TIAM1: variants seen among roughly 807,000 people sequenced by gnomAD.
TIAM1 encodes the protein rho guanine nucleotide exchange factor TIAM1.
Under a neutral mutation model 163.5 loss-of-function variants are expected in TIAM1, and 65 were observed. That is an observed-to-expected ratio of 0.40 (90% CI 0.33 to 0.49). The LOEUF (loss-of-function observed/expected upper bound fraction) is 0.49, where lower values mean the gene tolerates loss of function less well. Ranked by LOEUF, TIAM1 falls within the 20% of genes least tolerant of loss-of-function variation. TIAM1 has a pLI of 0.77. For missense variants in TIAM1, 1,789 were observed against 2,044.7 expected, an observed-to-expected ratio of 0.87 and a Z score of 2.41; for synonymous variants, 833 against 810.1, an observed-to-expected ratio of 1.03 and a Z score of -0.48.
At position 31,120,754 on chromosome 21, in the gene TIAM1, C is replaced by G. The variant is rs754307192; in HGVS notation, c.4390G>C (p.Ala1464Pro). The change falls in exon 28 of 28, where the codon GCA (alanine) becomes CCA (proline). Residue 1464 changes from alanine (A) to proline (P), a missense_variant. By Grantham distance (27) the Ala-to-Pro change is conservative. Transcript: ENST00000541036. This position sits in a 1 kb window ranked among gnomAD's most constrained non-coding sequence, Gnocchi z 4.2. ...TGGGACTCTTTCTCCGGGCTGCTTG[C>G]GGAGACGGCATCAGAATCAATGGTA... is the stretch of plus-strand genomic sequence containing the variant. ...RFTIDSDAVS[A>P]SSPEKESQQP... The G allele has an allele frequency of 3.8e-5, 62 of 1,614,060 alleles. No homozygotes were observed. Among genetic ancestry groups the G allele is most frequent in the Non-Finnish European group, 5.2e-5 (61 of 1,180,034 alleles).
At chr21:31,233,973 C>T (rs1432696072) in intron 6 of TIAM1, among the ~76,000 whole-genome samples, 2 of 152,194 alleles carry the variant, frequency 1.3e-5, no homozygotes, top group Non-Finnish European at 2.9e-5. Flanking sequence ...AATCGTCAAC[C>T]GGAGTCTCTC....
intron 23 of TIAM1, among the ~76,000 whole-genome samples, chr21:31,131,728 G>A (rs1215776476): frequency 6.6e-6 from 1 of 152,216 alleles, no homozygotes; most frequent in African/African-American, 2.4e-5. Flanking sequence ...TGGTCCAAAT[G>A]TTTGTGTTTC....
intron 2 of TIAM1, among the ~76,000 whole-genome samples, chr21:31,417,748 T>C (rs1160081197): frequency 1.3e-5 from 2 of 152,026 alleles, no homozygotes; most frequent in Non-Finnish European, 2.9e-5. Flanking sequence ...GTCAGGGACA[T>C]GGAGGTTTTC....
intron 2 of TIAM1, among the ~76,000 whole-genome samples, chr21:31,455,717 G>A (rs959039256): frequency 1.3e-5 from 2 of 152,302 alleles, no homozygotes; most frequent in Non-Finnish European, 2.9e-5. Context: ...ATTCTGTGAC[G>A]CTGCTGCCAA....
chr21:31,477,671 T>G (rs2045978803), intron 1 of TIAM1, among the ~76,000 whole-genome samples: 1 of 152,126 alleles, frequency 6.6e-6, no homozygotes, highest in Admixed American at 6.6e-5. Flanking sequence ...GACGGGGGTT[T>G]CACCATGTTG....
intron 1 of TIAM1, among the ~76,000 whole-genome samples, chr21:31,474,027 G>C (rs1602368549): frequency 6.6e-6 from 1 of 152,172 alleles, no homozygotes; most frequent in African/African-American, 2.4e-5. Flanking sequence ...CAGAGGCAAA[G>C]GGGGAGCAGA....
intron 15 of TIAM1, among the ~76,000 whole-genome samples, chr21:31,171,637 G>C (rs1601404559): frequency 6.6e-6 from 1 of 152,202 alleles, no homozygotes; most frequent in South Asian, 2.1e-4. Context: ...GTTTGTAGCA[G>C]ATCATTTGCA....
chr21:31,172,209 G>C (rs545785107), intron 15 of TIAM1, among the ~76,000 whole-genome samples: 20 of 152,268 alleles, frequency 1.3e-4, no homozygotes, highest in African/African-American at 4.8e-4. Flanking sequence ...GGGAATTCAA[G>C]TGGGAAAGGG....
chr21:31,404,815 A>G (rs1416341092), intron 2 of TIAM1, among the ~76,000 whole-genome samples: 3 of 152,156 alleles, frequency 2.0e-5, no homozygotes, highest in Non-Finnish European at 4.4e-5. Context: ...AACTTCTTGT[A>G]AGTAAGTCCA....
intron 2 of TIAM1, among the ~76,000 whole-genome samples, chr21:31,298,589 T>C (rs993827636): frequency 3.9e-5 from 6 of 152,116 alleles, no homozygotes; most frequent in Admixed American, 1.3e-4. Context: ...TAATTGTCTG[T>C]CTTCCCTCAT....
intron 5 of TIAM1, 144 bp from the exon 6 acceptor site, chr21:31,245,804 C>T: frequency 1.3e-6 from 1 of 778,638 alleles, no homozygotes. Flanking sequence ...TGGAGCCAGG[C>T]TTGGACTCAA....
chr21:31,410,292 AGT>A (rs1213017372), intron 2 of TIAM1, among the ~76,000 whole-genome samples: 8 of 151,780 alleles, frequency 5.3e-5, no homozygotes, highest in Non-Finnish European at 1.0e-4. Context: ...TGTGTCTGAT[AGT>A]GTGTGTAATG....
rs534625465 is a variant in TIAM1 at position 31,440,041 on chromosome 21, G to C, written c.-369+23942C>G. Among the ~76,000 whole-genome samples the C allele has an allele frequency of 1.3e-4, 20 of 152,136 alleles. No individual in the cohort carries two copies. The South Asian group carries it at 4.2e-3, about 32-fold the overall frequency. ...CTCTGTGTCTCAGTTTCCCTCGTTT[G>C]GTAAAACAGGGAAAAAATAGTACTC... On this transcript the variant is annotated intron_variant, in intron 2 of 28. Coordinates refer to the TIAM1 transcript ENST00000286827.
chr21:31,427,913 A>C (rs1002143699), intron 2 of TIAM1, among the ~76,000 whole-genome samples: 19 of 152,202 alleles, frequency 1.2e-4, no homozygotes, highest in Non-Finnish European at 2.5e-4. Flanking sequence ...TTTTAAAAAG[A>C]GAAAGCAAAT....
chr21:31,417,423 C>T (rs1025516916), intron 2 of TIAM1, among the ~76,000 whole-genome samples: 1 of 152,160 alleles, frequency 6.6e-6, no homozygotes, highest in African/African-American at 2.4e-5. Flanking sequence ...GCACGCCTTA[C>T]ATGGTGGCAG....
At chr21:31,322,446 G>A (rs1258461277) in intron 2 of TIAM1, among the ~76,000 whole-genome samples, 1 of 142,716 alleles carries the variant, frequency 7.0e-6, no homozygotes, top group Non-Finnish European at 1.6e-5. Context: ...TACCTCTATG[G>A]GTGGGGGGGG....
At position 31,127,057 on chromosome 21, in the gene TIAM1, A is replaced by C; in HGVS notation, c.4133+8T>G. The C allele has an allele frequency of 6.2e-7, 1 of 1,613,780 alleles. No individual in the cohort carries two copies. The highest frequency in any genetic ancestry group is 8.5e-7 in the Non-Finnish European group (1 of 1,179,682). ...AACACGGCCTCGACTTTACAGGCCCAGGCTCACCTGCAGCACAAGTGAAAG... is the reference window on the plus strand; with the variant it reads ...AACACGGCCTCGACTTTACAGGCCCCGGCTCACCTGCAGCACAAGTGAAAG... On this transcript the variant is annotated splice_region_variant and intron_variant, in intron 26 of 27. Coordinates refer to ENST00000541036, the MANE Select transcript of TIAM1 (RefSeq NM_001353694.2).
chr21:31,312,015 C>T (rs541355852), intron 2 of TIAM1, among the ~76,000 whole-genome samples: 3 of 152,358 alleles, frequency 2.0e-5, no homozygotes, highest in African/African-American at 7.2e-5. Context: ...CTCCAAGTTC[C>T]TCAGCTTTTG....
At chr21:31,466,412 A>G (rs1421087131) in intron 1 of TIAM1, among the ~76,000 whole-genome samples, 1 of 151,326 alleles carries the variant, frequency 6.6e-6, no homozygotes, top group Non-Finnish European at 1.5e-5. Context: ...AGAATAAAGG[A>G]TATCTCTCTA....
Sources: gnomAD v4.1 joint callset for allele counts (sites outside exome capture counted in the v4.1 genomes callset) on GRCh38, gnomAD v4.1.1 for gene constraint, Gnocchi (gnomAD v3.1) non-coding constraint, MANE v1.5 for transcripts, NCBI Gene and HGNC (gene_info 2026-07-23, HGNC 2026-07-21) for gene names.